The following SNTG1 variants were observed in gnomAD, a reference collection of about 807,000 sequenced individuals.
The protein encoded by SNTG1 is gamma-1-syntrophin.
A neutral mutation model predicts 74.7 loss-of-function variants in SNTG1; 39 were observed. The ratio of observed to expected loss-of-function variants is 0.52; its 90% CI spans 0.40 to 0.68. The LOEUF is 0.68. Ranked by LOEUF, SNTG1 falls within the 30% of genes least tolerant of loss-of-function variation. The probability of loss-of-function intolerance (pLI) is 0.00; values close to 1 mark genes in which losing one functional copy is unlikely to be tolerated. For synonymous variants in SNTG1, 254 were observed against 217.1 expected (o/e 1.17, Z -1.49); for missense variants, 685 against 609.5 (o/e 1.12, Z -1.30).
At chr8:50,088,540 A>G (rs931656411) in intron 1 of SNTG1, among the ~76,000 whole-genome samples, 5 of 134,670 alleles carry the variant, frequency 3.7e-5, no homozygotes, top group African/African-American at 1.3e-4. Context: ...TTAAGCTGAT[A>G]AGCAACTTCA....
chr8:50,088,446 GA>G (rs1325245862), intron 1 of SNTG1, among the ~76,000 whole-genome samples: 1 of 128,562 alleles, frequency 7.8e-6, no homozygotes, highest in African/African-American at 2.8e-5. Flanking sequence ...ATTCAATTAG[GA>G]AAAGAGGAAG....
intron 1 of SNTG1, among the ~76,000 whole-genome samples, chr8:49,937,938 C>T (rs1160877388): frequency 2.0e-5 from 3 of 152,090 alleles, no homozygotes; most frequent in Non-Finnish European, 2.9e-5. Context: ...ATATTTTTGG[C>T]ATAGTCATTG....
intron 2 of SNTG1, among the ~76,000 whole-genome samples, chr8:50,276,373 TTATATATATA>T (rs6150576): frequency 0.043 from 6,096 of 143,358 alleles, 154 homozygotes; most frequent in Non-Finnish European, 0.057. Context: ...CAAGTAAATT[TTATATATATA>T]TATATATATA....
intron 1 of SNTG1, among the ~76,000 whole-genome samples, chr8:50,149,711 G>A (rs1424273660): frequency 6.6e-6 from 1 of 152,134 alleles, no homozygotes; most frequent in Non-Finnish European, 1.5e-5. Context: ...TAGATGTGTG[G>A]CATTATTTCT....
chr8:50,418,106 C>A (rs1165728083), intron 4 of SNTG1, among the ~76,000 whole-genome samples: 3 of 152,138 alleles, frequency 2.0e-5, no homozygotes, highest in African/African-American at 7.2e-5. Context: ...TCTCCTCCAG[C>A]ATCCACTGCA....
At chr8:50,180,909 C>T (rs138731318) in intron 2 of SNTG1, among the ~76,000 whole-genome samples, 3,071 of 152,018 alleles carry the variant, frequency 0.02, 80 homozygotes, top group African/African-American at 0.058. Context: ...AACAGATGCA[C>T]GCCACCATGC....
At chr8:50,076,042 T>C (rs904169844) in intron 1 of SNTG1, among the ~76,000 whole-genome samples, 6 of 152,166 alleles carry the variant, frequency 3.9e-5, no homozygotes, top group African/African-American at 1.2e-4. Flanking sequence ...AAGGTGCAAA[T>C]TGACCACAAA....
intron 2 of SNTG1, among the ~76,000 whole-genome samples, chr8:50,223,665 A>G (rs1375352783): frequency 6.6e-6 from 1 of 152,150 alleles, no homozygotes; most frequent in Non-Finnish European, 1.5e-5. Context: ...AATAAAATAC[A>G]GAAAATATAT....
At chr8:50,418,497 C>G (rs566423409) in intron 4 of SNTG1, among the ~76,000 whole-genome samples, 3 of 152,070 alleles carry the variant, frequency 2.0e-5, no homozygotes, top group East Asian at 1.9e-4. Context: ...TTTTCTTTTA[C>G]TTTTTGCACT....
chr8:50,666,362 A>C (rs1326422144), intron 15 of SNTG1, among the ~76,000 whole-genome samples: 1 of 152,140 alleles, frequency 6.6e-6, no homozygotes, highest in Admixed American at 6.6e-5. Context: ...TGAGTCATGA[A>C]TGAAGCCCAA....
chr8:50,321,690 G>A (rs1341593103), intron 2 of SNTG1, among the ~76,000 whole-genome samples: 1 of 151,690 alleles, frequency 6.6e-6, no homozygotes, highest in Non-Finnish European at 1.5e-5. Context: ...TATACTTGTT[G>A]TGTGCTTGTA....
chr8:50,270,464 G>T (rs531277862), intron 2 of SNTG1, among the ~76,000 whole-genome samples: 5 of 152,228 alleles, frequency 3.3e-5, no homozygotes, highest in Admixed American at 1.3e-4. Context: ...AAAAGTTTAT[G>T]AATTCAACAC....
Position 49,928,061 on chromosome 8 carries a change from G to A in SNTG1, c.-103+15830G>A, listed in dbSNP as rs534789516. On this transcript the variant is annotated intron_variant, in intron 1 of 18. Transcript: ENST00000642720. ...GGAGAATCGCTTGAATCCGGGAGGC[G>A]GAGGTTGTAGTGAGCCGAGATCACA... Among the ~76,000 whole-genome samples, 61 of 149,454 alleles carry A rather than the reference G, an allele frequency of 4.1e-4. 1 individual carries two copies. The South Asian group carries it at 0.012, about 28-fold the overall frequency.
chr8:50,291,970 G>A (rs2089136835), intron 2 of SNTG1, among the ~76,000 whole-genome samples: 1 of 151,944 alleles, frequency 6.6e-6, no homozygotes, highest in East Asian at 1.9e-4. Flanking sequence ...GTTCATGGTA[G>A]GAAGCAGAAT....
At chr8:50,133,346 A>T (rs984798849) in intron 1 of SNTG1, among the ~76,000 whole-genome samples, 15 of 152,100 alleles carry the variant, frequency 9.9e-5, no homozygotes, top group African/African-American at 3.6e-4. Context: ...AGTCTTGTCA[A>T]GACAATCTAG....
At chr8:50,098,620 C>A (rs532518724) in intron 1 of SNTG1, among the ~76,000 whole-genome samples, 2 of 152,052 alleles carry the variant, frequency 1.3e-5, no homozygotes, top group African/African-American at 4.8e-5. Flanking sequence ...ATTGAGGGAT[C>A]ACTGTAATGA....
intron 18 of SNTG1, among the ~76,000 whole-genome samples, chr8:50,777,899 G>T (rs542473193): frequency 4.6e-4 from 70 of 151,706 alleles, no homozygotes; most frequent in Middle Eastern, 3.2e-3. Context: ...TCCCCTTCCT[G>T]TGTCCATGTG....
intron 5 of SNTG1, among the ~76,000 whole-genome samples, chr8:50,439,079 C>A (rs1002016491): frequency 4.6e-5 from 7 of 151,950 alleles, no homozygotes; most frequent in African/African-American, 1.7e-4. Context: ...GACTTAAAGT[C>A]TTTGCATATG....
At chr8:50,780,844 G>A (rs367636963) in intron 18 of SNTG1, among the ~76,000 whole-genome samples, 1 of 152,252 alleles carries the variant, frequency 6.6e-6, no homozygotes, top group Admixed American at 6.5e-5. Flanking sequence ...GGCATTTAAT[G>A]CTATAAATTT....
Sources: gnomAD v4.1 joint callset for allele counts (sites outside exome capture counted in the v4.1 genomes callset) on GRCh38, gnomAD v4.1.1 for gene constraint, MANE v1.5 for transcripts, NCBI Gene and HGNC (gene_info 2026-07-23, HGNC 2026-07-21) for gene names.